Variants in TAFA1 observed in about 807,000 individuals in gnomAD.
TAFA1 encodes TAFA chemokine like family member 1.
Under a neutral mutation model 18.5 loss-of-function variants are expected in TAFA1, and 4 were observed. The ratio of observed to expected loss-of-function variants is 0.22; its 90% CI spans 0.11 to 0.49. TAFA1 has a LOEUF of 0.49. TAFA1 is among the 20% of genes least tolerant of loss of function. The probability of loss-of-function intolerance (pLI) is 0.98; values close to 1 mark genes in which losing one functional copy is unlikely to be tolerated. For missense variants in TAFA1, 147 were observed against 169.0 expected (o/e 0.87, Z 0.72); for synonymous variants, 56 against 55.2 (o/e 1.01, Z -0.06).
chr3:68,062,710 G>A (rs2064620105), intron 2 of TAFA1, among the ~76,000 whole-genome samples: 1 of 152,156 alleles, frequency 6.6e-6, no homozygotes, highest in Non-Finnish European at 1.5e-5. Flanking sequence ...GAAGTAGTAG[G>A]GGAGGATTCA....
chr3:68,409,967 T>G (rs2070681175), intron 2 of TAFA1, among the ~76,000 whole-genome samples: 2 of 152,252 alleles, frequency 1.3e-5, no homozygotes, highest in South Asian at 4.1e-4. Flanking sequence ...AGAAACATTA[T>G]CCTTCGCAAT....
intron 2 of TAFA1, among the ~76,000 whole-genome samples, chr3:68,273,348 A>G (rs1182949758): frequency 6.6e-6 from 1 of 152,224 alleles, no homozygotes; most frequent in Non-Finnish European, 1.5e-5. Flanking sequence ...GGAAGAGGCC[A>G]GATCACACGT....
chr3:68,055,429 C>T (rs1465891987), intron 2 of TAFA1, among the ~76,000 whole-genome samples: 1 of 152,142 alleles, frequency 6.6e-6, no homozygotes, highest in Non-Finnish European at 1.5e-5. Flanking sequence ...GGGTACAGAA[C>T]TCTCAAAGTT....
intron 2 of TAFA1, among the ~76,000 whole-genome samples, chr3:68,220,134 A>G (rs967441585): frequency 7.9e-5 from 12 of 152,228 alleles, no homozygotes; most frequent in African/African-American, 2.7e-4. Flanking sequence ...AAACATTCTT[A>G]ATTAGAAAAG....
chr3:68,044,878 A>G (rs112131517), intron 2 of TAFA1, among the ~76,000 whole-genome samples: 2,498 of 152,362 alleles, frequency 0.016, 33 homozygotes, highest in Middle Eastern at 0.037. Flanking sequence ...AATTACTGAC[A>G]TATAGAAGTT....
At chr3:68,514,746 T>A (rs910116434) in intron 3 of TAFA1, among the ~76,000 whole-genome samples, 1 of 151,408 alleles carries the variant, frequency 6.6e-6, no homozygotes, top group African/African-American at 2.4e-5. Flanking sequence ...TTTCCCAATA[T>A]CATTAGAAAA....
At chr3:68,220,925 A>G (rs2066721965) in intron 2 of TAFA1, among the ~76,000 whole-genome samples, 1 of 152,086 alleles carries the variant, frequency 6.6e-6, no homozygotes, top group Non-Finnish European at 1.5e-5. Context: ...GCCTCTGAGG[A>G]TTGGCTGTGA....
Position 68,210,946 on chromosome 3 carries a change from G to T in TAFA1, c.118+204202G>T, listed in dbSNP as rs184265351. Among the ~76,000 whole-genome samples, 16 of 152,058 alleles carry T rather than the reference G, an allele frequency of 1.1e-4. No individual in the cohort carries two copies. The East Asian group carries it at 3.1e-3, about 30-fold the overall frequency. On this transcript the variant is annotated intron_variant, in intron 2 of 4. Transcript: ENST00000478136. ...ATCTGTAAGCTTTATGGGACTGGAA[G>T]ACCCAGTGCTAAGACAACCCACACA...
chr3:68,070,949 T>C (rs1333472478), intron 2 of TAFA1, among the ~76,000 whole-genome samples: 1 of 152,234 alleles, frequency 6.6e-6, no homozygotes, highest in South Asian at 2.1e-4. Flanking sequence ...ATTCAACAAG[T>C]CTCTAGGGAG....
chr3:68,234,103 A>G (rs773105507), intron 2 of TAFA1, among the ~76,000 whole-genome samples: 28 of 152,344 alleles, frequency 1.8e-4, no homozygotes, highest in Admixed American at 3.9e-4. Flanking sequence ...GAATACATAC[A>G]GATTATCCAG....
Position 68,464,611 on chromosome 3 carries a change from G to A in TAFA1, c.259+47191G>A, listed in dbSNP as rs138228410. 4.5e-3 allele frequency among the ~76,000 whole-genome samples: 687 copies of A among 152,288 alleles called. 12 individuals carry two copies. Among genetic ancestry groups the A allele is most frequent in the Admixed American group, 0.028 (423 of 15,282 alleles). ...GAAAGCCAGGGTCACATAGTGCAGGGTCTTGTAGAGGACAGTCAAAACTGT... is the reference window on the plus strand; with the variant it reads ...GAAAGCCAGGGTCACATAGTGCAGGATCTTGTAGAGGACAGTCAAAACTGT... On this transcript the variant is annotated intron_variant, in intron 3 of 4. Transcript: ENST00000478136.
chr3:68,181,190 G>T (rs2066193712), intron 2 of TAFA1, among the ~76,000 whole-genome samples: 1 of 152,130 alleles, frequency 6.6e-6, no homozygotes, highest in African/African-American at 2.4e-5. Flanking sequence ...CATCTTGATT[G>T]CAGCCTGGTG....
chr3:68,285,363 G>C (rs1161031813), intron 2 of TAFA1, among the ~76,000 whole-genome samples: 1 of 151,960 alleles, frequency 6.6e-6, no homozygotes, highest in Admixed American at 6.6e-5. Context: ...CTTATATATA[G>C]ATATGTAAAA....
intron 2 of TAFA1, among the ~76,000 whole-genome samples, chr3:68,391,372 C>T (rs2070242084): frequency 6.6e-6 from 1 of 151,974 alleles, no homozygotes; most frequent in African/African-American, 2.4e-5. Context: ...TGTGAAAAGA[C>T]CAGACCTATG....
intron 3 of TAFA1, among the ~76,000 whole-genome samples, chr3:68,487,386 A>G (rs2072364138): frequency 6.6e-6 from 1 of 152,218 alleles, no homozygotes; most frequent in African/African-American, 2.4e-5. Context: ...ATTATGTTTT[A>G]TGATTCATAA....
intron 2 of TAFA1, among the ~76,000 whole-genome samples, chr3:68,112,591 A>C (rs116208232): frequency 0.016 from 2,496 of 152,268 alleles, 72 homozygotes; most frequent in African/African-American, 0.057. Flanking sequence ...GATGCCTGCT[A>C]TAAACATTAT....
chr3:68,311,621 T>A (rs991604389), intron 2 of TAFA1, among the ~76,000 whole-genome samples: 2 of 152,238 alleles, frequency 1.3e-5, no homozygotes, highest in African/African-American at 4.8e-5. Context: ...ATGTCTCACA[T>A]TCAGGTCACA....
At chr3:68,443,026 A>G (rs945427732) in intron 3 of TAFA1, among the ~76,000 whole-genome samples, 1 of 152,158 alleles carries the variant, frequency 6.6e-6, no homozygotes, top group African/African-American at 2.4e-5. Context: ...TCACCTCTGT[A>G]TCGTGGCTCT....
chr3:68,005,729 G>T (rs533630538), intron 1 of TAFA1, among the ~76,000 whole-genome samples: 2 of 152,206 alleles, frequency 1.3e-5, no homozygotes, highest in Admixed American at 6.5e-5. Flanking sequence ...ATCACTGGCT[G>T]AGTAAGGACG....
Sources: gnomAD v4.1 joint callset for allele counts (sites outside exome capture counted in the v4.1 genomes callset) on GRCh38, gnomAD v4.1.1 for gene constraint, MANE v1.5 for transcripts, NCBI Gene and HGNC (gene_info 2026-07-23, HGNC 2026-07-21) for gene names.